The following TPM1 variants were observed in gnomAD, a reference collection of about 807,000 sequenced individuals.
The protein encoded by TPM1 is tropomyosin 1.
TPM1 carries 24 observed loss-of-function variants against 42.9 expected under a neutral mutation model. The ratio of observed to expected loss-of-function variants is 0.56; its 90% CI spans 0.41 to 0.79. The LOEUF is 0.79. TPM1 is among the 30% of genes least tolerant of loss of function. The pLI is 0.00. For missense variants in TPM1, 158 were observed against 351.8 expected, an observed-to-expected ratio of 0.45 and a Z score of 4.41; for synonymous variants, 136 against 130.1, an observed-to-expected ratio of 1.05 and a Z score of -0.31.
rs372730019 is a variant in TPM1, at chr15:63,052,779, A to C, written c.241-4206A>C. 6.6e-5 allele frequency among the ~76,000 whole-genome samples: 10 copies of C among 152,310 alleles called. No homozygotes were observed. The South Asian group carries it at 2.1e-3, about 32-fold the overall frequency. On this transcript the variant is annotated intron_variant, in intron 2 of 9. Transcript: ENST00000403994. The stretch of plus-strand genomic sequence containing the variant: ...AATAAGCTCAAAACTTAAAAAAAAA[A>C]ATACCAGAAATAAAAGCTAGTAAAG...
chr15:63,043,852 G>C, intron 1 of TPM1, 175 bp from the exon 2 acceptor site: 7 of 1,548,978 alleles, frequency 4.5e-6, no homozygotes, highest in Non-Finnish European at 6.1e-6. Flanking sequence ...CGCGCGGCAC[G>C]GCGTGGCGCA....
chr15:63,063,492 T>TA, intron 8 of TPM1: 1 of 436,974 alleles, frequency 2.3e-6, no homozygotes. Flanking sequence ...GCAGCTTGAG[T>TA]GGGAAGACCA....
chr15:63,048,468 C>T, intron 2 of TPM1: 1 of 1,390,032 alleles, frequency 7.2e-7, no homozygotes, highest in African/African-American at 1.5e-5. Context: ...GAGGCCTGGG[C>T]GGGGCGGACC....
chr15:63,069,912 A>G (rs764939532), downstream of TPM1: 5 of 1,614,152 alleles, frequency 3.1e-6, no homozygotes, highest in Non-Finnish European at 3.4e-6. Flanking sequence ...CGCCTCACTA[A>G]TGAACTAAAG....
At chr15:63,047,096 G>A (rs1309673320) in intron 2 of TPM1, 1 of 152,294 alleles carries the variant, frequency 6.6e-6, no homozygotes, top group African/African-American at 2.4e-5. Context: ...CAATGTTGGA[G>A]GCCCACAGTC....
chr15:63,070,236 C>A, downstream of TPM1: 2 of 1,175,426 alleles, frequency 1.7e-6, no homozygotes, highest in Admixed American at 4.0e-5. Flanking sequence ...AATGAGGAGC[C>A]CCCCCAAAAA....
chr15:63,060,117 G>T (rs751904943), intron 4 of TPM1, among the ~76,000 whole-genome samples: 1 of 152,144 alleles, frequency 6.6e-6, no homozygotes, highest in Non-Finnish European at 1.5e-5. Context: ...TCTCCTCAAG[G>T]GTGGTAGAAA....
At chr15:63,070,651 TC>T, downstream of TPM1, 1 of 1,003,666 alleles carries the variant, frequency 1.0e-6, no homozygotes, top group African/African-American at 1.7e-5. Context: ...ATTTATGTCA[TC>T]TTTGCTTTTG....
intron 2 of TPM1, chr15:63,045,830 C>G (rs1165557922): frequency 6.6e-6 from 1 of 152,112 alleles, no homozygotes; most frequent in Non-Finnish European, 1.5e-5. Context: ...GAGGGAGCTT[C>G]TTGAATCTTG....
downstream of TPM1, chr15:63,066,182 G>T (rs1377580417): frequency 2.8e-6 from 4 of 1,420,744 alleles, no homozygotes; most frequent in East Asian, 1.0e-4. Flanking sequence ...ACACATATGA[G>T]GGTTAGTGTT....
chr15:63,068,399 G>A (rs960065022), downstream of TPM1, among the ~76,000 whole-genome samples: 2 of 152,206 alleles, frequency 1.3e-5, no homozygotes, highest in East Asian at 1.9e-4. Flanking sequence ...AAAAAATGTG[G>A]ATGAGCAAAG....
intron 2 of TPM1, chr15:63,048,873 G>A (rs1439926967): frequency 3.4e-6 from 3 of 872,974 alleles, no homozygotes; most frequent in Non-Finnish European, 5.4e-6. Flanking sequence ...CTGGGGAGGG[G>A]CCCGGCCTGT....
At chr15:63,047,089 T>C (rs2032539505) in intron 2 of TPM1, 1 of 152,290 alleles carries the variant, frequency 6.6e-6, no homozygotes. Flanking sequence ...CCATTCTCAA[T>C]GTTGGAGGCC....
intron 2 of TPM1, among the ~76,000 whole-genome samples, chr15:63,053,482 G>C (rs964211317): frequency 2.0e-5 from 3 of 152,128 alleles, no homozygotes; most frequent in Middle Eastern, 3.2e-3. Flanking sequence ...ACTGATGGCT[G>C]TATGGCCTCC....
At chr15:63,070,094 C>T (rs536630665), downstream of TPM1, 1 of 1,523,628 alleles carries the variant, frequency 6.6e-7, no homozygotes, top group East Asian at 2.5e-5. Flanking sequence ...GCTGGCCTTG[C>T]CTGCTTGTTT....
Position 63,065,914 on chromosome 15 carries a change from C to T in TPM1, c.*15C>T. ...CACGCAGATAAGTTTCTTTGCTTCA[C>T]TTCTCCCAAGACTCCCTCGTCGAGC... is the stretch of plus-strand genomic sequence containing the variant. On this transcript the variant is annotated 3_prime_UTR_variant, in exon 10 of 10. Transcript: ENST00000403994. The T allele has an allele frequency of 1.9e-6, 3 of 1,609,114 alleles. No individual in the cohort carries two copies. The highest frequency in any genetic ancestry group is 2.5e-6 in the Non-Finnish European group (3 of 1,178,128).
chr15:63,062,901 G>A (rs1200956105), intron 8 of TPM1: 3 of 1,469,376 alleles, frequency 2.0e-6, no homozygotes, highest in African/African-American at 1.4e-5. Context: ...TACAAGTGTG[G>A]CAGGTTTATT....
chr15:63,068,050 G>T (rs1470773315), downstream of TPM1, among the ~76,000 whole-genome samples: 1 of 152,178 alleles, frequency 6.6e-6, no homozygotes, highest in South Asian at 2.1e-4. Flanking sequence ...ATTCTAGCCT[G>T]GCCAAACATT....
intron 3 of TPM1, 143 bp downstream of exon 3, chr15:63,057,261 G>A (rs753756183): frequency 5.9e-5 from 72 of 1,210,796 alleles, no homozygotes; most frequent in Admixed American, 1.2e-4. Context: ...GGTATAACTC[G>A]GTTGGTTTTG....
Sources: allele counts gnomAD v4.1 joint callset (sites outside exome capture counted in the v4.1 genomes callset), GRCh38; gene constraint gnomAD v4.1.1; transcripts MANE v1.5; gene names NCBI Gene and HGNC (gene_info 2026-07-23, HGNC 2026-07-21).